Variants in CLEC19A observed in about 807,000 individuals in gnomAD.
CLEC19A encodes the protein C-type lectin domain family 19 member A.
Under a neutral mutation model 26.1 loss-of-function variants are expected in CLEC19A, and 21 were observed. The observed-to-expected ratio is 0.80, with a 90% CI of 0.57 to 1.16. The LOEUF (loss-of-function observed/expected upper bound fraction) is 1.16, where lower values mean the gene tolerates loss of function less well. CLEC19A is among the 50% of genes most tolerant of loss of function. The pLI, the probability that CLEC19A is intolerant of heterozygous loss-of-function variation, is 0.00. For missense variants in CLEC19A, 224 were observed against 227.6 expected (o/e 0.98, Z 0.10); for synonymous variants, 89 against 88.6 (o/e 1.00, Z -0.03).
chr16:19,290,998 A>G (rs1897572487), intron 1 of CLEC19A, among the ~76,000 whole-genome samples: 2 of 152,098 alleles, frequency 1.3e-5, no homozygotes, highest in South Asian at 2.1e-4. Flanking sequence ...GCCACCACAT[A>G]TGGCTGATTT....
chr16:19,286,545 C>T (rs2143008128), intron 1 of CLEC19A, among the ~76,000 whole-genome samples: 1 of 152,298 alleles, frequency 6.6e-6, no homozygotes, highest in Middle Eastern at 3.4e-3. Context: ...TCCCAGTGTC[C>T]CATATGGAGG....
intron 1 of CLEC19A, among the ~76,000 whole-genome samples, chr16:19,287,329 C>A (rs187375357): frequency 1.3e-5 from 2 of 152,224 alleles, no homozygotes; most frequent in Non-Finnish European, 2.9e-5. Flanking sequence ...AAGCTCTGGT[C>A]TCTTCCTCTT....
intron 3 of CLEC19A, among the ~76,000 whole-genome samples, chr16:19,305,810 A>G (rs1038711951): frequency 6.6e-6 from 1 of 151,866 alleles, no homozygotes; most frequent in East Asian, 1.9e-4. Context: ...GTGTAGTCAG[A>G]CCTGAGTTTT....
chr16:19,297,986 G>A (rs762280418), intron 1 of CLEC19A, among the ~76,000 whole-genome samples: 2 of 152,090 alleles, frequency 1.3e-5, no homozygotes, highest in Non-Finnish European at 2.9e-5. Context: ...GGTGGCTCAC[G>A]TCTTCTGTAA....
At chr16:19,294,611 G>C (rs1897666239) in intron 1 of CLEC19A, among the ~76,000 whole-genome samples, 1 of 152,172 alleles carries the variant, frequency 6.6e-6, no homozygotes, top group South Asian at 2.1e-4. Context: ...CTAAACTCAG[G>C]GGAGAAAGTG....
intron 1 of CLEC19A, among the ~76,000 whole-genome samples, chr16:19,293,462 A>AT (rs56127926): frequency 6.4e-4 from 96 of 149,964 alleles, no homozygotes; most frequent in Non-Finnish European, 7.9e-4. Context: ...AATTTTTTTA[A>AT]TTTTTTTTTT....
At position 19,310,916 on chromosome 16, in the gene CLEC19A, A is replaced by T. The variant is rs1898056491; in HGVS notation, c.*1833A>T. 1 of 152,196 alleles carries T rather than the reference A, an allele frequency of 6.6e-6. No homozygotes were observed. The highest frequency in any genetic ancestry group is 2.1e-4 in the South Asian group (1 of 4,820). 9.4% of individuals were successfully genotyped at this position (152,196 alleles called of 1,614,324 possible). Reference sequence around the variant, plus strand: ...AGAAGCCACTGAACTGTACATTTTAAAATAATAGTTAAAATGATAAATTTT... The same window carrying T: ...AGAAGCCACTGAACTGTACATTTTATAATAATAGTTAAAATGATAAATTTT... On this transcript the variant is annotated 3_prime_UTR_variant, in exon 5 of 5. Transcript: ENST00000636231.
chr16:19,298,969 T>A (rs1897761956), intron 2 of CLEC19A, 131 bp downstream of exon 2: 1 of 1,028,406 alleles, frequency 9.7e-7, no homozygotes. Context: ...GATGGAGTCT[T>A]GCTATGTTGC....
rs899789158 is a variant in CLEC19A at position 19,298,900 on chromosome 16, G to A, written c.254+62G>A. The A allele has an allele frequency of 5.6e-6, 8 of 1,436,742 alleles. No individual in the cohort carries two copies. The African/African-American group carries it at 5.8e-5, about 10-fold the overall frequency. The allele number at this position is 1,436,742 out of a possible 1,614,324, so 89.0% of individuals were successfully genotyped here. A position where few individuals can be genotyped will look rare whatever the true frequency, so the allele number is the denominator to read the frequency against. On this transcript the variant is annotated intron_variant, in intron 2 of 4. Coordinates refer to ENST00000636231, the MANE Select transcript of CLEC19A (RefSeq NM_001256720.2). ...GCACCCCCTTGGGAAATGGGGTGGA[G>A]AATGGTATTTCCAACTGGCATTTCT... is the stretch of plus-strand genomic sequence containing the variant.
chr16:19,294,700 G>GTGC (rs1897667899), intron 1 of CLEC19A, among the ~76,000 whole-genome samples: 1 of 152,222 alleles, frequency 6.6e-6, no homozygotes, highest in African/African-American at 2.4e-5. Flanking sequence ...AATGTCTTCA[G>GTGC]TGCTTTTAAG....
At chr16:19,301,727 GTTTTTTTGGTTT>G (rs1300888033) in intron 2 of CLEC19A, among the ~76,000 whole-genome samples, 79 of 28,538 alleles carry the variant, frequency 2.8e-3, no homozygotes, top group African/African-American at 5.7e-3. Context: ...CCATGCCCAG[GTTTTTTTGGTTT>G]TTTTTTTTTT....
At chr16:19,301,708 C>A (rs972056476) in intron 2 of CLEC19A, among the ~76,000 whole-genome samples, 5 of 140,332 alleles carry the variant, frequency 3.6e-5, no homozygotes, top group African/African-American at 1.3e-4. Flanking sequence ...GGACTACAGG[C>A]GCATGACACC....
Position 19,285,850 on chromosome 16 carries a change from G to A in CLEC19A, c.-2G>A, listed in dbSNP as rs1003478586. The A allele has an allele frequency of 1.9e-6, 3 of 1,550,472 alleles. No homozygotes were observed. The highest frequency in any genetic ancestry group is 1.7e-6 in the Non-Finnish European group (2 of 1,146,978). The stretch of plus-strand genomic sequence containing the variant: ...TGGGAGGTTGCTTTCTAGGAGCTCA[G>A]GATGCAAAGGTGGACACTGTGGGCT... On this transcript the variant is annotated 5_prime_UTR_variant, in exon 1 of 5. Coordinates refer to ENST00000636231, the MANE Select transcript of CLEC19A (RefSeq NM_001256720.2).
intron 1 of CLEC19A, among the ~76,000 whole-genome samples, 184 bp downstream of exon 1, chr16:19,286,123 G>C (rs1179648367): frequency 6.6e-6 from 1 of 152,150 alleles, no homozygotes; most frequent in Non-Finnish European, 1.5e-5. Flanking sequence ...AAAAAGTCCT[G>C]GGTTTGAATC....
chr16:19,285,951 G>C lies in CLEC19A; in HGVS notation c.88+12G>C. On this transcript the variant is annotated intron_variant, in intron 1 of 4. Transcript: ENST00000636231. The stretch of plus-strand genomic sequence containing the variant: ...CAGTATCAGTCCAGGTAAGTGCAGG[G>C]ACCAGGGCTGGGAGCAGGTGGAGAG... The C allele has an allele frequency of 6.5e-7, 1 of 1,549,790 alleles. No homozygotes were observed. The highest frequency in any genetic ancestry group is 8.7e-7 in the Non-Finnish European group (1 of 1,146,396).
In CLEC19A at chr16:19,309,371, C is replaced by T. The variant is rs1047961515; in HGVS notation, c.*288C>T. 6 of 306,798 alleles carry T rather than the reference C, an allele frequency of 2.0e-5. No individual in the cohort carries two copies. The highest frequency in any genetic ancestry group is 3.1e-5 in the Non-Finnish European group (5 of 163,764). The allele number at this position is 306,798 out of a possible 1,614,324, so 19.0% of individuals were successfully genotyped here. The stretch of plus-strand genomic sequence containing the variant: ...AGAGTTGAATCTCACTGGCCTGGCT[C>T]GGGTCACGTGCCCATCCCTGAAGCA... On this transcript the variant is annotated 3_prime_UTR_variant, in exon 5 of 5. Transcript: ENST00000636231.
chr16:19,302,333 C>T (rs1897851780), intron 2 of CLEC19A, among the ~76,000 whole-genome samples: 1 of 152,108 alleles, frequency 6.6e-6, no homozygotes, highest in South Asian at 2.1e-4. Flanking sequence ...AAGAAATCTT[C>T]TAATGGTGGG....
At chr16:19,289,978 C>T (rs1897548439) in intron 1 of CLEC19A, among the ~76,000 whole-genome samples, 1 of 152,262 alleles carries the variant, frequency 6.6e-6, no homozygotes, top group South Asian at 2.1e-4. Context: ...CAAATGTGGC[C>T]CCTGAGCCTC....
chr16:19,287,029 T>C (rs912098193), intron 1 of CLEC19A, among the ~76,000 whole-genome samples: 2 of 137,180 alleles, frequency 1.5e-5, no homozygotes, highest in African/African-American at 5.6e-5. Flanking sequence ...TTCTTTTTTT[T>C]TTTTTTTTTT....
Sources: allele counts gnomAD v4.1 joint callset (sites outside exome capture counted in the v4.1 genomes callset), GRCh38; gene constraint gnomAD v4.1.1; transcripts MANE v1.5; gene names NCBI Gene and HGNC (gene_info 2026-07-23, HGNC 2026-07-21).